KYNU: variants seen among roughly 807,000 people sequenced by gnomAD.
KYNU encodes the protein L-kynurenine hydrolase.
Under a neutral mutation model 59.2 loss-of-function variants are expected in KYNU, and 54 were observed. That is an observed-to-expected ratio of 0.91 (90% CI 0.73 to 1.14). The LOEUF is 1.14. KYNU is among the 50% of genes most tolerant of loss of function. The pLI, the probability that KYNU is intolerant of heterozygous loss-of-function variation, is 0.00. For synonymous variants in KYNU, 177 were observed against 192.0 expected (o/e 0.92, Z 0.65); for missense variants, 567 against 554.4 (o/e 1.02, Z -0.23).
At chr2:142,990,381 C>T (rs1685362446) in intron 10 of KYNU, among the ~76,000 whole-genome samples, 1 of 151,816 alleles carries the variant, frequency 6.6e-6, no homozygotes, top group Non-Finnish European at 1.5e-5. Context: ...TGTTAACCCT[C>T]ATGGCACACT....
intron 4 of KYNU, among the ~76,000 whole-genome samples, chr2:142,931,145 G>C (rs965060957): frequency 6.6e-6 from 1 of 152,206 alleles, no homozygotes; most frequent in Non-Finnish European, 1.5e-5. Context: ...GCTGGCGCAC[G>C]CCGCTGACGT....
chr2:142,936,533 G>A (rs1396694862), intron 4 of KYNU, among the ~76,000 whole-genome samples: 6 of 152,180 alleles, frequency 3.9e-5, no homozygotes, highest in African/African-American at 7.2e-5. Context: ...GGAGGGAGAC[G>A]ATAAAAGGAG....
At chr2:142,881,465 A>T (rs1681295716) in intron 1 of KYNU, 1 of 152,224 alleles carries the variant, frequency 6.6e-6, no homozygotes. Flanking sequence ...GCATTATCTA[A>T]CACTCAGATA....
intron 4 of KYNU, 149 bp from the exon 5 acceptor site, chr2:142,954,661 G>C (rs1573834881): frequency 1.7e-6 from 1 of 592,442 alleles, no homozygotes; most frequent in African/African-American, 1.9e-5. Context: ...AGTCAAGTGG[G>C]AAAACTTCCA....
At chr2:142,999,002 C>T (rs567212936) in intron 10 of KYNU, among the ~76,000 whole-genome samples, 81 of 118,828 alleles carry the variant, frequency 6.8e-4, no homozygotes, top group Middle Eastern at 5.0e-3. Context: ...ACTGAGACTC[C>T]GTCTCAAAAA....
chr2:142,915,957 C>T (rs538404296), intron 2 of KYNU, among the ~76,000 whole-genome samples: 4 of 152,016 alleles, frequency 2.6e-5, no homozygotes, highest in Admixed American at 6.6e-5. Flanking sequence ...AGGGGGAAAT[C>T]GGGAAACACA....
intron 2 of KYNU, among the ~76,000 whole-genome samples, chr2:142,908,680 G>A (rs1682380800): frequency 6.6e-6 from 1 of 151,862 alleles, no homozygotes; most frequent in Non-Finnish European, 1.5e-5. Context: ...TGTTGCCCAG[G>A]CTTGAGTGCA....
At position 142,918,524 on chromosome 2, in the gene KYNU, T is replaced by C. The variant is rs114797206; in HGVS notation, c.170-85T>C. On this transcript the variant is annotated intron_variant, in intron 2 of 13. Coordinates refer to ENST00000264170, the MANE Select transcript of KYNU (RefSeq NM_003937.3). ...TTTTTATCCTTCTTAGAGTTGATTG[T>C]ATTAATTATTTGTACTGGCTTAACA... 1,964 of 1,343,872 alleles carry C rather than the reference T, an allele frequency of 1.5e-3. 21 individuals carry two copies. In the African/African-American group the frequency reaches 0.027, roughly 18 times the overall value. The allele number at this position is 1,343,872 out of a possible 1,614,324, so 83.2% of individuals were successfully genotyped here. A position where few individuals can be genotyped will look rare whatever the true frequency, so the allele number is the denominator to read the frequency against.
chr2:142,958,089 T>C (rs1684227234), intron 7 of KYNU: 1 of 245,932 alleles, frequency 4.1e-6, no homozygotes, highest in Non-Finnish European at 7.9e-6. Flanking sequence ...TTTGTTAAAA[T>C]GGAATCGTGA....
rs369225272 is a variant in KYNU, at chr2:142,957,716, G to T, written c.582+1G>T. ...TATGCGGATGATAAAGCCAAGAGAG[G>T]TATATGAGAAAGAAAGAAATATTTG... is the stretch of plus-strand genomic sequence containing the variant. On this transcript the variant is annotated splice_donor_variant, in intron 7 of 13. Coordinates refer to ENST00000264170, the MANE Select transcript of KYNU (RefSeq NM_003937.3). LOFTEE classifies it high-confidence loss of function. 6.4e-7 allele frequency: 1 copy of T among 1,573,880 alleles called. No individual in the cohort carries two copies. Among genetic ancestry groups the T allele is most frequent in the East Asian group, 2.2e-5 (1 of 44,500 alleles).
At chr2:143,021,384 A>C (rs1056916864) in intron 10 of KYNU, among the ~76,000 whole-genome samples, 17 of 152,098 alleles carry the variant, frequency 1.1e-4, no homozygotes, top group Admixed American at 9.8e-4. Flanking sequence ...CTTCTTCCCA[A>C]ATAAAAATCT....
chr2:142,957,965 T>G, intron 7 of KYNU: 1 of 396,040 alleles, frequency 2.5e-6, no homozygotes, highest in Non-Finnish European at 4.6e-6. Flanking sequence ...TACCACTGGA[T>G]TCTGCCATAT....
At chr2:143,028,834 G>A (rs1363734486) in intron 10 of KYNU, among the ~76,000 whole-genome samples, 2 of 145,392 alleles carry the variant, frequency 1.4e-5, no homozygotes, top group Non-Finnish European at 3.0e-5. Context: ...GGCAACAAGA[G>A]CAAAACTCTG....
At chr2:142,933,787 A>C (rs1683300564) in intron 4 of KYNU, among the ~76,000 whole-genome samples, 1 of 152,168 alleles carries the variant, frequency 6.6e-6, no homozygotes, top group Non-Finnish European at 1.5e-5. Context: ...TGAGGTCAAG[A>C]GCAAGGGCCT....
intron 1 of KYNU, 132 bp downstream of exon 1, chr2:142,877,868 T>A (rs1449583029): frequency 1.3e-5 from 2 of 152,152 alleles, no homozygotes; most frequent in Admixed American, 6.5e-5. Flanking sequence ...TCTTCTTTTT[T>A]TATATATATT....
intron 10 of KYNU, among the ~76,000 whole-genome samples, chr2:142,993,418 G>A (rs1238596303): frequency 2.0e-5 from 3 of 151,766 alleles, no homozygotes; most frequent in East Asian, 1.9e-4. Flanking sequence ...CTCTCCCTTC[G>A]CTCTGGGAAC....
chr2:142,938,711 A>G (rs1683475825), intron 4 of KYNU, among the ~76,000 whole-genome samples: 1 of 152,222 alleles, frequency 6.6e-6, no homozygotes, highest in Non-Finnish European at 1.5e-5. Flanking sequence ...AAAACTTTTC[A>G]TGAAAATCTA....
At chr2:143,030,153 G>C (rs1253189560) in intron 11 of KYNU, among the ~76,000 whole-genome samples, 3 of 152,158 alleles carry the variant, frequency 2.0e-5, no homozygotes, top group African/African-American at 7.2e-5. Context: ...TGGTTTTAGG[G>C]TTAGTCAAGC....
chr2:142,977,173 T>C (rs1015429368), intron 8 of KYNU, among the ~76,000 whole-genome samples: 3 of 152,056 alleles, frequency 2.0e-5, no homozygotes, highest in African/African-American at 7.2e-5. Context: ...TCAGGTTAAC[T>C]CTGGAATGCC....
Sources: allele counts gnomAD v4.1 joint callset (sites outside exome capture counted in the v4.1 genomes callset), GRCh38; gene constraint gnomAD v4.1.1; transcripts MANE v1.5; gene names NCBI Gene and HGNC (gene_info 2026-07-23, HGNC 2026-07-21).